Variants in IGSF9B observed in about 807,000 individuals in gnomAD.
The protein encoded by IGSF9B is immunoglobulin superfamily member 9B, also known as protein turtle homolog B.
A neutral mutation model predicts 143.7 loss-of-function variants in IGSF9B; 48 were observed. The ratio of observed to expected loss-of-function variants is 0.33; its 90% CI spans 0.26 to 0.42. IGSF9B has a LOEUF of 0.42. Ranked by LOEUF, IGSF9B falls within the 20% of genes least tolerant of loss-of-function variation. IGSF9B has a pLI of 1.00. For synonymous variants in IGSF9B, 903 were observed against 833.1 expected, an observed-to-expected ratio of 1.08 and a Z score of -1.44; for missense variants, 1,706 against 1,980.0, an observed-to-expected ratio of 0.86 and a Z score of 2.63.
rs547101320 is a variant in IGSF9B at position 133,920,425 on chromosome 11, C to G, written c.3300G>C (p.Pro1100=). 3 of 1,583,376 alleles carry G rather than the reference C, an allele frequency of 1.9e-6. No individual in the cohort carries two copies. The highest frequency in any genetic ancestry group is 2.6e-6 in the Non-Finnish European group (3 of 1,166,824). The change falls in exon 18 of 20, where the codon CCG becomes CCC. Residue 1100 remains proline, a synonymous_variant. Transcript: ENST00000533871. ...CGGGCGACTTGCCTGCCCAACCCTT[C>G]GGTGCCTCCAGAGACAGGATGCCCG... ...AYPGILSLEA[P]KGWAGKSPGR... is the part of the protein sequence containing the mutation.
rs889688734 is a variant in IGSF9B at position 133,900,476 on chromosome 11, A to G, written c.*8593T>C. The G allele has an allele frequency of 1.3e-5, 2 of 152,690 alleles. No homozygotes were observed. Among genetic ancestry groups the G allele is most frequent in the African/African-American group, 4.8e-5 (2 of 41,438 alleles). 9.5% of individuals were successfully genotyped at this position (152,690 alleles called of 1,614,324 possible). The stretch of plus-strand genomic sequence containing the variant: ...CTCAGAGAGGTATTCTTCAGGGCAC[A>G]CTGCTTCCTGCTCAGATACAAGTGA... On this transcript the variant is annotated 3_prime_UTR_variant, in exon 20 of 20. Transcript: ENST00000533871.
intron 19 of IGSF9B, 78 bp downstream of exon 19, chr11:133,911,808 C>G: frequency 7.3e-7 from 1 of 1,378,838 alleles, no homozygotes; most frequent in South Asian, 1.7e-5. Context: ...ACCCTCCTGA[C>G]AACGGCAGCC....
At chr11:133,944,040 G>C (rs913223522) in intron 3 of IGSF9B, among the ~76,000 whole-genome samples, 180 bp downstream of exon 3, 3 of 152,242 alleles carry the variant, frequency 2.0e-5, no homozygotes, top group African/African-American at 7.2e-5. Context: ...GCTTCGAGAA[G>C]ACAGCAGCGG....
chr11:133,942,975 T>A (rs948499595), intron 3 of IGSF9B, among the ~76,000 whole-genome samples: 8 of 152,162 alleles, frequency 5.3e-5, no homozygotes, highest in African/African-American at 1.9e-4. Context: ...TGCTAAAATA[T>A]AACATATTCC....
chr11:133,896,567 A>C lies in IGSF9B; in HGVS notation c.*12502T>G, dbSNP rs899812124. On this transcript the variant is annotated 3_prime_UTR_variant, in exon 20 of 20. Coordinates refer to ENST00000533871, the MANE Select transcript of IGSF9B (RefSeq NM_001277285.4). ...CTTGCAACACTCCCGGGGTACCTGC[A>C]CTGGCTGCACATCTCATCATTTGAT... The C allele has an allele frequency of 6.6e-6, 1 of 152,254 alleles. No homozygotes were observed. The highest frequency in any genetic ancestry group is 1.5e-5 in the Non-Finnish European group (1 of 68,042). The allele number at this position is 152,254 out of a possible 1,614,324, so 9.4% of individuals were successfully genotyped here. A position where few individuals can be genotyped will look rare whatever the true frequency, so the allele number is the denominator to read the frequency against.
chr11:133,938,806 A>C (rs1939872045), intron 3 of IGSF9B, among the ~76,000 whole-genome samples: 1 of 152,198 alleles, frequency 6.6e-6, no homozygotes, highest in South Asian at 2.1e-4. Context: ...CTCAGAACCC[A>C]AGTTCAAGCA....
In IGSF9B at chr11:133,909,198, C is replaced by T. The variant is rs2121266119; in HGVS notation, c.4185G>A (p.Lys1395=). 1.3e-6 allele frequency: 2 copies of T among 1,535,918 alleles called. No homozygotes were observed. The highest frequency in any genetic ancestry group is 4.9e-5 in the East Asian group (2 of 40,910). Residue 1395 remains lysine (K), a synonymous_variant, in exon 20 of 20, where the codon AAG becomes AAA. Coordinates refer to ENST00000533871, the MANE Select transcript of IGSF9B (RefSeq NM_001277285.4). The surrounding 1 kb of genome is among the most constrained non-coding windows in gnomAD (Gnocchi z 4.2). ...AGGGGTCAGGACGAGAATGTCTCTTCTTCTTTCGGAGGCAGACAGCTTCAT... is the reference window on the plus strand; with the variant it reads ...AGGGGTCAGGACGAGAATGTCTCTTTTTCTTTCGGAGGCAGACAGCTTCAT... The part of the protein sequence containing the change: ...WPDEAVCLRK[K]KRHSRPDPFA...
rs1395885846 is a variant in IGSF9B, at chr11:133,920,139, G to A, written c.3586C>T (p.Leu1196=). 1 of 1,511,750 alleles carries A rather than the reference G, an allele frequency of 6.6e-7. No homozygotes were observed. Among genetic ancestry groups the A allele is most frequent in the South Asian group, 1.3e-5 (1 of 74,562 alleles). 93.6% of individuals were successfully genotyped at this position (1,511,750 alleles called of 1,614,324 possible). Residue 1196 remains leucine, a synonymous_variant, in exon 18 of 20, where the codon CTA becomes TTA. Coordinates refer to ENST00000533871, the MANE Select transcript of IGSF9B (RefSeq NM_001277285.4). Reference sequence around the variant, plus strand: ...AGAGGTGAGAGCCGGGAGGGCTGTAGCACCACTTGATGTAAACTGGGCTCG... The same window carrying A: ...AGAGGTGAGAGCCGGGAGGGCTGTAACACCACTTGATGTAAACTGGGCTCG... ...RAEPSLHQVV[L]QPSRLSPLTQ...
chr11:133,912,007 T>G lies in IGSF9B; in HGVS notation c.3984A>C (p.Gly1328=), dbSNP rs1430768105. The G allele has an allele frequency of 2.0e-6, 3 of 1,521,988 alleles. No homozygotes were observed. In the Admixed American group the frequency reaches 6.4e-5, roughly 32 times the overall value. The allele number at this position is 1,521,988 out of a possible 1,614,324, so 94.3% of individuals were successfully genotyped here. The change falls in exon 19 of 20, where the codon GGA becomes GGC. Residue 1328 remains glycine (G), a splice_region_variant and synonymous_variant. Coordinates refer to ENST00000533871, the MANE Select transcript of IGSF9B (RefSeq NM_001277285.4). ...ETPPPTLPTS[G]TLPPAPGNAA... is the part of the protein sequence containing the mutation. ...CGTTCCCGGGTGCAGGTGGAAGTGT[T>G]CTGGAAAGGACAACCAGAGAGCCAC...
chr11:133,910,610 A>G (rs118184318), intron 19 of IGSF9B, among the ~76,000 whole-genome samples: 1 of 152,080 alleles, frequency 6.6e-6, no homozygotes, highest in African/African-American at 2.4e-5. Context: ...TGCTTTAGAC[A>G]TCGTAAAGGC....
At position 133,937,511 on chromosome 11, in the gene IGSF9B, AG is replaced by A; in HGVS notation, c.562-19del. 6.3e-7 allele frequency: 1 copy of A among 1,594,346 alleles called. No individual in the cohort carries two copies. The highest frequency in any genetic ancestry group is 8.6e-7 in the Non-Finnish European group (1 of 1,163,280). ...TCACTCACCTGGGAGCCCAAAACAG[AG>A]GGAGCTCAGCACCCACGCTCACACC... On this transcript the variant is annotated intron_variant, in intron 4 of 19. Coordinates refer to ENST00000533871, the MANE Select transcript of IGSF9B (RefSeq NM_001277285.4).
At chr11:133,951,094 CA>C (rs1474819966) in intron 1 of IGSF9B, among the ~76,000 whole-genome samples, 1 of 152,160 alleles carries the variant, frequency 6.6e-6, no homozygotes, top group Non-Finnish European at 1.5e-5. Context: ...GGGGCTCTCA[CA>C]AAGTGGGAGG....
At chr11:133,933,441 T>C (rs1440154377) in intron 7 of IGSF9B, among the ~76,000 whole-genome samples, 1 of 152,218 alleles carries the variant, frequency 6.6e-6, no homozygotes, top group Non-Finnish European at 1.5e-5. Context: ...CCCATCTGAT[T>C]CTGCAGCTGA....
At chr11:133,951,015 A>G (rs149165721) in intron 1 of IGSF9B, among the ~76,000 whole-genome samples, 12 of 152,194 alleles carry the variant, frequency 7.9e-5, no homozygotes, top group African/African-American at 2.4e-4. Context: ...ACAGCCCCCA[A>G]TAGTCCCCCA....
chr11:133,922,484 G>T, intron 16 of IGSF9B, 85 bp downstream of exon 16: 2 of 1,315,074 alleles, frequency 1.5e-6, no homozygotes, highest in East Asian at 2.4e-5. Context: ...TCCAAGGGGG[G>T]CCATGCTAAA....
chr11:133,909,923 C>T lies in IGSF9B; in HGVS notation c.4106-646G>A, dbSNP rs557862217. On this transcript the variant is annotated intron_variant, in intron 19 of 19. Coordinates refer to ENST00000533871, the MANE Select transcript of IGSF9B (RefSeq NM_001277285.4). This position sits in a 1 kb window ranked among gnomAD's most constrained non-coding sequence, Gnocchi z 4.2. Reference sequence around the variant, plus strand: ...AATAGGGTCAACTGAGGCACTACTCCGCTCCTTAAAGGGTTAACACTTGAA... The same window carrying T: ...AATAGGGTCAACTGAGGCACTACTCTGCTCCTTAAAGGGTTAACACTTGAA... 5.3e-5 allele frequency among the ~76,000 whole-genome samples: 8 copies of T among 152,340 alleles called. No individual in the cohort carries two copies. The highest frequency in any genetic ancestry group is 2.1e-4 in the South Asian group (1 of 4,830).
rs553953897 is a variant in IGSF9B at position 133,928,535 on chromosome 11, C to T, written c.1631+1136G>A. Among the ~76,000 whole-genome samples the T allele has an allele frequency of 1.3e-4, 20 of 152,280 alleles. No individual in the cohort carries two copies. Among genetic ancestry groups the T allele is most frequent in the African/African-American group, 4.6e-4 (19 of 41,566 alleles). On this transcript the variant is annotated intron_variant, in intron 12 of 19. Transcript: ENST00000533871. The surrounding 1 kb of genome is among the most constrained non-coding windows in gnomAD (Gnocchi z 4.7). ...GGTGCCTGCCTTTTCCCCCTCCCCT[C>T]GAGCTCCCCCTCCTCGAGTTGAGCC...
At chr11:133,946,921 T>C (rs1045960720) in intron 1 of IGSF9B, among the ~76,000 whole-genome samples, 1 of 151,984 alleles carries the variant, frequency 6.6e-6, no homozygotes, top group African/African-American at 2.4e-5. Flanking sequence ...CAGCCCCTCC[T>C]CCCAGCACAG....
At chr11:133,924,718 A>T in intron 15 of IGSF9B, 102 bp downstream of exon 15, 1 of 975,528 alleles carries the variant, frequency 1.0e-6, no homozygotes, top group Non-Finnish European at 1.6e-6. Context: ...TTAGTTTCCA[A>T]TCCAGCTTCT....
Sources: gnomAD v4.1 joint callset for allele counts (sites outside exome capture counted in the v4.1 genomes callset) on GRCh38, gnomAD v4.1.1 for gene constraint, Gnocchi (gnomAD v3.1) non-coding constraint, MANE v1.5 for transcripts, NCBI Gene and HGNC (gene_info 2026-07-23, HGNC 2026-07-21) for gene names.